The following KIF1B variants were observed in gnomAD, a reference collection of about 807,000 sequenced individuals.
KIF1B encodes kinesin family member 1B, also known as kinesin-like protein KIF1B.
In KIF1B, 76 loss-of-function variants were observed where a neutral mutation model predicts 241.9. The observed-to-expected ratio is 0.31, with a 90% confidence interval of 0.26 to 0.38. The LOEUF (loss-of-function observed/expected upper bound fraction) is 0.38, where lower values mean the gene tolerates loss of function less well. Among genes scored for constraint, KIF1B ranks in the 10% least tolerant of loss-of-function variants. The pLI is 1.00. For missense variants in KIF1B, 1,622 were observed against 2,271.4 expected (o/e 0.71, Z 5.81); for synonymous variants, 750 against 796.7 (o/e 0.94, Z 0.99).
chr1:10,303,385 G>C lies in KIF1B; in HGVS notation c.2115+6139G>C. ...AGATTCCAAGTGGGTCACAATCTCA[G>C]ATCTTAAAATTCAGGCTGTCAAAGA... On this transcript the variant is annotated intron_variant, in intron 22 of 48. Coordinates refer to ENST00000676179, the MANE Select transcript of KIF1B (RefSeq NM_001365951.3). The surrounding 1 kb of genome is among the most constrained non-coding windows in gnomAD (Gnocchi z 5.2). The C allele has an allele frequency of 6.2e-7, 1 of 1,614,224 alleles. No individual in the cohort carries two copies. Among genetic ancestry groups the C allele is most frequent in the Non-Finnish European group, 8.5e-7 (1 of 1,180,042 alleles).
chr1:10,223,346 A>C (rs922719431), intron 1 of KIF1B, among the ~76,000 whole-genome samples: 1 of 152,130 alleles, frequency 6.6e-6, no homozygotes, highest in Non-Finnish European at 1.5e-5. Flanking sequence ...AGACTTACAT[A>C]AGTAATTCTT....
intron 1 of KIF1B, among the ~76,000 whole-genome samples, chr1:10,230,520 C>T (rs1270777855): frequency 6.6e-6 from 1 of 151,432 alleles, no homozygotes; most frequent in African/African-American, 2.4e-5. Flanking sequence ...ACTGCAACCT[C>T]CACCTCCTGG....
chr1:10,370,655 T>TAATAAC (rs1320144363), intron 44 of KIF1B, among the ~76,000 whole-genome samples: 6 of 150,242 alleles, frequency 4.0e-5, no homozygotes, highest in African/African-American at 1.5e-4. Context: ...ATAATAATAA[T>TAATAAC]AATAATAATA....
Position 10,319,956 on chromosome 1 carries a change from A to G in KIF1B, c.2116-87A>G, listed in dbSNP as rs1651456824. The G allele has an allele frequency of 3.5e-5, 29 of 828,076 alleles. No homozygotes were observed. In the East Asian group the frequency reaches 7.5e-4, roughly 21 times the overall value. The allele number at this position is 828,076 out of a possible 1,614,324, so 51.3% of individuals were successfully genotyped here. A position where few individuals can be genotyped will look rare whatever the true frequency, so the allele number is the denominator to read the frequency against. ...CTTTTCCTTGTCCTTTGCTTTCTCTACTTCCCCCAATATTCCTTCCATTTC... is the reference window on the plus strand; with the variant it reads ...CTTTTCCTTGTCCTTTGCTTTCTCTGCTTCCCCCAATATTCCTTCCATTTC... On this transcript the variant is annotated intron_variant, in intron 22 of 48. Coordinates refer to ENST00000676179, the MANE Select transcript of KIF1B (RefSeq NM_001365951.3).
At chr1:10,285,267 T>A (rs12120042) in intron 15 of KIF1B, among the ~76,000 whole-genome samples, 51,340 of 152,080 alleles carry the variant, frequency 0.34, 8,823 homozygotes, top group Admixed American at 0.38. Context: ...GCCTTAGCTC[T>A]TACACTTGAG....
intron 40 of KIF1B, among the ~76,000 whole-genome samples, chr1:10,363,051 G>T (rs1180319624): frequency 6.6e-6 from 1 of 152,138 alleles, no homozygotes; most frequent in African/African-American, 2.4e-5. Context: ...CAGCCTGGGT[G>T]ACACAGGGAA....
intron 22 of KIF1B, among the ~76,000 whole-genome samples, chr1:10,298,681 A>G (rs907946227): frequency 6.6e-6 from 1 of 152,174 alleles, no homozygotes; most frequent in African/African-American, 2.4e-5. Flanking sequence ...TCTGTGAGAG[A>G]TCAAATGAGG....
In KIF1B at chr1:10,376,866, CAT is replaced by C. The variant is rs886044986; in HGVS notation, c.*281_*282del. ...ACACACACACACACACACACACACA[CAT>C]ACACAGACAAAAACACAAAAACTCT... On this transcript the variant is annotated 3_prime_UTR_variant, in exon 49 of 49. Transcript: ENST00000676179. 624 of 339,042 alleles carry C rather than the reference CAT, an allele frequency of 1.8e-3. 2 individuals are homozygous for C. The highest frequency in any genetic ancestry group is 0.014 in the South Asian group (344 of 25,404). 21.0% of individuals were successfully genotyped at this position (339,042 alleles called of 1,614,324 possible). A position where few individuals can be genotyped will look rare whatever the true frequency, so the allele number is the denominator to read the frequency against.
chr1:10,261,993 A>G, intron 5 of KIF1B, 23 bp downstream of exon 5: 1 of 1,534,420 alleles, frequency 6.5e-7, no homozygotes. Flanking sequence ...GTGAGTTGAC[A>G]CCGTAAGCCC....
intron 15 of KIF1B, among the ~76,000 whole-genome samples, chr1:10,290,104 G>A (rs550239258): frequency 1.3e-5 from 2 of 151,910 alleles, no homozygotes; most frequent in Non-Finnish European, 2.9e-5. Flanking sequence ...CTCCTTGAGA[G>A]CAGGAAACAT....
In KIF1B at chr1:10,225,022, A is replaced by G. The variant is rs566605564; in HGVS notation, c.-79-7228A>G. Among the ~76,000 whole-genome samples, 21 of 152,270 alleles carry G rather than the reference A, an allele frequency of 1.4e-4. No individual in the cohort carries two copies. In the South Asian group the frequency reaches 4.1e-3, roughly 30 times the overall value. ...ATGCACAGTTCACAGTAATGTTTGC[A>G]CTTCTATGAAACTCTGATGCCATCG... is the stretch of plus-strand genomic sequence containing the variant. On this transcript the variant is annotated intron_variant, in intron 1 of 48. Coordinates refer to ENST00000676179, the MANE Select transcript of KIF1B (RefSeq NM_001365951.3).
intron 22 of KIF1B, chr1:10,308,381 A>C (rs1190813219): frequency 2.9e-6 from 3 of 1,049,738 alleles, no homozygotes; most frequent in Non-Finnish European, 3.5e-6. Flanking sequence ...TTGATTGTGA[A>C]ATGTATTAGG....
chr1:10,317,923 C>T (rs1449278600), intron 22 of KIF1B, among the ~76,000 whole-genome samples: 1 of 151,292 alleles, frequency 6.6e-6, no homozygotes, highest in Non-Finnish European at 1.5e-5. Flanking sequence ...TTGGTCCTTC[C>T]TCTAGTACTG....
chr1:10,362,314 G>T (rs1557737551), intron 40 of KIF1B, among the ~76,000 whole-genome samples: 1 of 151,084 alleles, frequency 6.6e-6, no homozygotes, highest in Non-Finnish European at 1.5e-5. Flanking sequence ...CATCTCCACA[G>T]AAAATTTTAA....
At chr1:10,259,687 G>A (rs997231296) in intron 4 of KIF1B, among the ~76,000 whole-genome samples, 1 of 151,840 alleles carries the variant, frequency 6.6e-6, no homozygotes, top group Non-Finnish European at 1.5e-5. Context: ...ATTTTTAGTA[G>A]AGGCGGGGTT....
chr1:10,318,103 A>G (rs1297525740), intron 22 of KIF1B, among the ~76,000 whole-genome samples: 1 of 151,126 alleles, frequency 6.6e-6, no homozygotes. Flanking sequence ...CATAACATGT[A>G]GTCTCCTAAA....
chr1:10,350,694 A>G (rs1428605148), intron 37 of KIF1B, among the ~76,000 whole-genome samples: 4 of 152,144 alleles, frequency 2.6e-5, no homozygotes, highest in African/African-American at 4.8e-5. Flanking sequence ...GGAGATGCCA[A>G]TTTTTAGTTA....
intron 36 of KIF1B, 129 bp downstream of exon 36, chr1:10,347,956 TC>T: frequency 2.6e-6 from 2 of 764,956 alleles, no homozygotes; most frequent in Non-Finnish European, 2.1e-6. Context: ...TGTCCTGTTG[TC>T]ATTTTTTTTT....
At position 10,315,849 on chromosome 1, in the gene KIF1B, A is replaced by C. The variant is rs190219707; in HGVS notation, c.2116-4194A>C. On this transcript the variant is annotated intron_variant, in intron 22 of 48. Coordinates refer to ENST00000676179, the MANE Select transcript of KIF1B (RefSeq NM_001365951.3). ...GACGGGTGGATCACCTGAGGTCAGGAGTTCAAGACCAGCCTGGCCAACATG... is the reference window on the plus strand; with the variant it reads ...GACGGGTGGATCACCTGAGGTCAGGCGTTCAAGACCAGCCTGGCCAACATG... Among the ~76,000 whole-genome samples the C allele has an allele frequency of 8.2e-3, 1,235 of 151,338 alleles. 60 individuals carry two copies. The highest frequency in any genetic ancestry group is 0.028 in the African/African-American group (1,145 of 40,680).
Sources: allele counts gnomAD v4.1 joint callset (sites outside exome capture counted in the v4.1 genomes callset), GRCh38; gene constraint gnomAD v4.1.1; non-coding constraint Gnocchi (gnomAD v3.1); transcripts MANE v1.5; gene names NCBI Gene and HGNC (gene_info 2026-07-23, HGNC 2026-07-21).